TMEM255B: variants seen among roughly 807,000 people sequenced by gnomAD.
TMEM255B encodes transmembrane protein 255B.
TMEM255B carries 35 observed loss-of-function variants against 34.5 expected under a neutral mutation model. The ratio of observed to expected loss-of-function variants is 1.01; its 90% CI spans 0.77 to 1.34. The LOEUF (loss-of-function observed/expected upper bound fraction) is 1.34. Ranked by LOEUF, TMEM255B falls within the 40% of genes most tolerant of loss-of-function variation. The probability of loss-of-function intolerance (pLI) is 0.00; values close to 1 mark genes in which losing one functional copy is unlikely to be tolerated. For missense variants in TMEM255B, 432 were observed against 433.2 expected (o/e 1.00, Z 0.02); for synonymous variants, 206 against 201.2 (o/e 1.02, Z -0.20).
chr13:113,808,081 G>A (rs2138585213), intron 8 of TMEM255B, among the ~76,000 whole-genome samples: 1 of 152,310 alleles, frequency 6.6e-6, no homozygotes, highest in Admixed American at 6.5e-5. Context: ...CAAATCAGAT[G>A]AGGCTCATGT....
chr13:113,811,252 T>TG lies in TMEM255B; in HGVS notation c.814-479dup, dbSNP rs1471235343. On this transcript the variant is annotated intron_variant, in intron 8 of 8. Transcript: ENST00000375353. Reference sequence around the variant, plus strand: ...TGAGAGAGGTCCTGGGTCTGTGGGGTGGGGGCCCGTGACAGTGGTCCTGGG... The same window carrying TG: ...TGAGAGAGGTCCTGGGTCTGTGGGGTGGGGGGCCCGTGACAGTGGTCCTGGG... Among the ~76,000 whole-genome samples the TG allele has an allele frequency of 9.0e-4, 26 of 28,880 alleles. 1 individual carries two copies. Among genetic ancestry groups the TG allele is most frequent in the Non-Finnish European group, 1.5e-3 (24 of 16,126 alleles). The allele number at this position is 28,880 out of a possible 152,430, so 18.9% of individuals were successfully genotyped here.
intron 3 of TMEM255B, among the ~76,000 whole-genome samples, chr13:113,793,195 TGG>T (rs1204196541): frequency 6.6e-6 from 1 of 152,184 alleles, no homozygotes; most frequent in East Asian, 1.9e-4. Flanking sequence ...TTGGGTCTGG[TGG>T]CCACGTCCCC....
chr13:113,774,579 CA>C, intron 3 of TMEM255B, among the ~76,000 whole-genome samples: 2 of 147,520 alleles, frequency 1.4e-5, no homozygotes, highest in Non-Finnish European at 3.0e-5. Flanking sequence ...ACATGACACA[CA>C]CACCACACAA....
At chr13:113,808,627 G>A (rs763151526) in intron 8 of TMEM255B, among the ~76,000 whole-genome samples, 8 of 149,378 alleles carry the variant, frequency 5.4e-5, no homozygotes, top group East Asian at 2.0e-4. Context: ...TATTTATTCC[G>A]TGGTTCCTGG....
chr13:113,794,352 C>T (rs954232535), intron 3 of TMEM255B, among the ~76,000 whole-genome samples: 2 of 152,104 alleles, frequency 1.3e-5, no homozygotes, highest in Admixed American at 6.5e-5. Context: ...GCACCATGTG[C>T]CCGAGCCACA....
Position 113,812,875 on chromosome 13 carries a change from C to A in TMEM255B, c.*972C>A, listed in dbSNP as rs1341992518. The A allele has an allele frequency of 6.6e-6, 1 of 152,212 alleles. No homozygotes were observed. The highest frequency in any genetic ancestry group is 1.4e-5 in the Non-Finnish European group (1 of 71,862). 9.4% of individuals were successfully genotyped at this position (152,212 alleles called of 1,614,324 possible). ...CAGGCATCCCGGGTGGGTCACAGGTCCCGAGTGGGTCACAGGCCCCGGGTG... is the reference window on the plus strand; with the variant it reads ...CAGGCATCCCGGGTGGGTCACAGGTACCGAGTGGGTCACAGGCCCCGGGTG... On this transcript the variant is annotated 3_prime_UTR_variant, in exon 9 of 9. Transcript: ENST00000375353.
chr13:113,804,482 C>T (rs538568117), intron 7 of TMEM255B, among the ~76,000 whole-genome samples: 2 of 152,314 alleles, frequency 1.3e-5, no homozygotes, highest in South Asian at 4.1e-4. Flanking sequence ...AAAAGAGAGC[C>T]CGAGCCGAGC....
chr13:113,802,658 G>A lies in TMEM255B; in HGVS notation c.669+846G>A, dbSNP rs567971844. Reference sequence around the variant, plus strand: ...CCTATTCGTCCCAGAGGCTGTCCATGACTAAAAATTAGCTCAGCTGGGAAC... The same window carrying A: ...CCTATTCGTCCCAGAGGCTGTCCATAACTAAAAATTAGCTCAGCTGGGAAC... On this transcript the variant is annotated intron_variant, in intron 7 of 8. Transcript: ENST00000375353. Among the ~76,000 whole-genome samples the A allele has an allele frequency of 2.5e-5, 3 of 119,664 alleles. 1 individual carries two copies. The South Asian group carries it at 6.7e-4, about 27-fold the overall frequency. 78.5% of individuals were successfully genotyped at this position (119,664 alleles called of 152,430 possible). A position where few individuals can be genotyped will look rare whatever the true frequency, so the allele number is the denominator to read the frequency against.
intron 5 of TMEM255B, chr13:113,800,019 C>T: frequency 2.4e-6 from 3 of 1,231,472 alleles, no homozygotes; most frequent in Non-Finnish European, 3.1e-6. Context: ...GTGGCCAGCA[C>T]CTGCCAGCTT....
intron 3 of TMEM255B, among the ~76,000 whole-genome samples, chr13:113,775,517 A>T (rs2050561424): frequency 6.6e-6 from 1 of 152,232 alleles, no homozygotes; most frequent in Admixed American, 6.5e-5. Context: ...ACCGGTGAGG[A>T]CACTGTGAGC....
chr13:113,800,740 C>T (rs2051038709), intron 5 of TMEM255B, 87 bp from the exon 6 acceptor site: 3 of 1,323,360 alleles, frequency 2.3e-6, no homozygotes, highest in Non-Finnish European at 3.2e-6. Flanking sequence ...TGGCCGCTCC[C>T]AGCTCCCATG....
chr13:113,811,695 G>T, intron 8 of TMEM255B, 41 bp from the exon 9 acceptor site: 1 of 1,610,586 alleles, frequency 6.2e-7, no homozygotes, highest in Non-Finnish European at 8.5e-7. Flanking sequence ...GGCACGGGGT[G>T]GTCTCACCTG....
chr13:113,811,943 TTTA>T lies in TMEM255B; in HGVS notation c.*41_*43del, dbSNP rs1566339725. On this transcript the variant is annotated 3_prime_UTR_variant, in exon 9 of 9. Coordinates refer to ENST00000375353, the MANE Select transcript of TMEM255B (RefSeq NM_182614.4). ...AAAAGATAACTTGTTTGTTTTTTTT[TTTA>T]AAAAAAAGGCAGCCTCTAGAAATCC... The T allele has an allele frequency of 6.6e-7, 1 of 1,510,722 alleles. No individual in the cohort carries two copies. Among genetic ancestry groups the T allele is most frequent in the South Asian group, 1.3e-5 (1 of 79,306 alleles). 93.6% of individuals were successfully genotyped at this position (1,510,722 alleles called of 1,614,324 possible).
At chr13:113,788,725 A>G (rs888628482) in intron 3 of TMEM255B, among the ~76,000 whole-genome samples, 9 of 151,930 alleles carry the variant, frequency 5.9e-5, no homozygotes, top group Admixed American at 1.3e-4. Flanking sequence ...TTGTCTCTGC[A>G]CACTCGACCT....
At chr13:113,811,422 G>T (rs2051302946) in intron 8 of TMEM255B, among the ~76,000 whole-genome samples, 2 of 145,236 alleles carry the variant, frequency 1.4e-5, no homozygotes, top group African/African-American at 5.1e-5. Flanking sequence ...GTCTCCGGGG[G>T]AGGGGAGGGG....
chr13:113,799,764 C>G (rs2051007976), intron 5 of TMEM255B: 1 of 684,232 alleles, frequency 1.5e-6, no homozygotes, highest in South Asian at 1.5e-5. Flanking sequence ...CGAGAAACTT[C>G]TGGATTTCCC....
At chr13:113,793,529 C>T (rs2050867287) in intron 3 of TMEM255B, among the ~76,000 whole-genome samples, 1 of 152,216 alleles carries the variant, frequency 6.6e-6, no homozygotes, top group African/African-American at 2.4e-5. Context: ...ACGCAGGGAC[C>T]GTGCCGGTCT....
rs767648920 is a variant in TMEM255B at position 113,804,986 on chromosome 13, CG to C, written c.772del (p.Glu258SerfsTer75). 1.2e-5 allele frequency: 20 copies of C among 1,606,400 alleles called. No individual in the cohort carries two copies. The highest frequency in any genetic ancestry group is 1.6e-5 in the Non-Finnish European group (19 of 1,179,680). Reference sequence around the variant, plus strand: ...CCTACGCAGGCTTCCGCCTGACGCCCGAGCCCGTCCCGACCTGCTCGTCCTA... The same window carrying C: ...CCTACGCAGGCTTCCGCCTGACGCCCAGCCCGTCCCGACCTGCTCGTCCTA... The part of the protein sequence containing the change: ...LAYAGFRLTP[E>X]PVPTCSSYPL... On this transcript the variant is annotated frameshift_variant, in exon 8 of 9. Transcript: ENST00000375353. LOFTEE classifies it low-confidence loss of function (END_TRUNC).
chr13:113,769,918 C>G lies in TMEM255B; in HGVS notation c.252+758C>G, dbSNP rs1454948783. 1 of 152,372 alleles carries G rather than the reference C, an allele frequency of 6.6e-6. No homozygotes were observed. Among genetic ancestry groups the G allele is most frequent in the Non-Finnish European group, 1.5e-5 (1 of 68,188 alleles). 9.4% of individuals were successfully genotyped at this position (152,372 alleles called of 1,614,324 possible). A position where few individuals can be genotyped will look rare whatever the true frequency, so the allele number is the denominator to read the frequency against. On this transcript the variant is annotated intron_variant, in intron 3 of 8. Coordinates refer to ENST00000375353, the MANE Select transcript of TMEM255B (RefSeq NM_182614.4). The surrounding 1 kb of genome is among the most constrained non-coding windows in gnomAD (Gnocchi z 4.2). The stretch of plus-strand genomic sequence containing the variant: ...GAGCAGGCTGGAGTTCTCAGCTCTT[C>G]CCTGCACCGGCTGTCATGTTACTGT...
Sources: gnomAD v4.1 joint callset for allele counts (sites outside exome capture counted in the v4.1 genomes callset) on GRCh38, gnomAD v4.1.1 for gene constraint, Gnocchi (gnomAD v3.1) non-coding constraint, MANE v1.5 for transcripts, NCBI Gene and HGNC (gene_info 2026-07-23, HGNC 2026-07-21) for gene names.